Variants in IQSEC1 observed in about 807,000 individuals in gnomAD.
The protein encoded by IQSEC1 is IQ motif and Sec7 domain ArfGEF 1.
Under a neutral mutation model 91.0 loss-of-function variants are expected in IQSEC1, and 31 were observed. The observed-to-expected ratio is 0.34, with a 90% CI of 0.26 to 0.46. IQSEC1 has a LOEUF of 0.46. Ranked by LOEUF, IQSEC1 falls within the 20% of genes least tolerant of loss-of-function variation. The pLI, the probability that IQSEC1 is intolerant of heterozygous loss-of-function variation, is 1.00. For missense variants in IQSEC1, 1,388 were observed against 1,575.6 expected, an observed-to-expected ratio of 0.88 and a Z score of 2.02; for synonymous variants, 699 against 662.6, an observed-to-expected ratio of 1.05 and a Z score of -0.84.
intron 1 of IQSEC1, among the ~76,000 whole-genome samples, chr3:12,993,861 A>G (rs1702105238): frequency 6.6e-6 from 1 of 151,604 alleles, no homozygotes; most frequent in African/African-American, 2.4e-5. Context: ...CGGCCTCGCA[A>G]CCTCCTTCCG....
rs1382693816 is a variant in IQSEC1, at chr3:13,059,014, T to G, written c.23+13978A>C. ...TAGTGCCCTCACCAGGGCATGAGAG[T>G]GGGGATGGTGCCAGCCTCTGACACA... On this transcript the variant is annotated intron_variant, in intron 1 of 13. Coordinates refer to ENST00000613206, the MANE Select transcript of IQSEC1 (RefSeq NM_001134382.3). Among the ~76,000 whole-genome samples the G allele has an allele frequency of 7.9e-5, 12 of 151,794 alleles. 1 individual carries two copies. The highest frequency in any genetic ancestry group is 1.3e-4 in the Non-Finnish European group (9 of 67,904).
At chr3:12,954,481 C>T (rs1699772314) in intron 1 of IQSEC1, among the ~76,000 whole-genome samples, 2 of 152,068 alleles carry the variant, frequency 1.3e-5, no homozygotes, top group Admixed American at 6.5e-5. Context: ...ATGGGGGCTG[C>T]GTGGCAAACA....
chr3:12,934,349 C>T (rs1697972843), intron 3 of IQSEC1, among the ~76,000 whole-genome samples: 1 of 152,228 alleles, frequency 6.6e-6, no homozygotes, highest in Non-Finnish European at 1.5e-5. Flanking sequence ...GCCTCTCTGA[C>T]ATCCCAAGAT....
chr3:12,924,827 T>G lies in IQSEC1; in HGVS notation c.1569-85A>C. On this transcript the variant is annotated intron_variant, in intron 3 of 13. Coordinates refer to ENST00000613206, the MANE Select transcript of IQSEC1 (RefSeq NM_001134382.3). The surrounding 1 kb of genome is among the most constrained non-coding windows in gnomAD (Gnocchi z 6.3). The stretch of plus-strand genomic sequence containing the variant: ...GAGGGGATCTCCGCTCAGTGGACGG[T>G]CGACATTCTCCCTCCCTGCCCACCT... 1.5e-6 allele frequency: 2 copies of G among 1,305,872 alleles called. No individual in the cohort carries two copies. Among genetic ancestry groups the G allele is most frequent in the Non-Finnish European group, 2.1e-6 (2 of 957,314 alleles). The allele number at this position is 1,305,872 out of a possible 1,614,324, so 80.9% of individuals were successfully genotyped here.
chr3:12,955,058 G>T (rs756348260), intron 1 of IQSEC1, among the ~76,000 whole-genome samples: 8 of 152,196 alleles, frequency 5.3e-5, no homozygotes, highest in Non-Finnish European at 1.2e-4. Context: ...AGCCCAGCCT[G>T]GCAGAGCCCC....
intron 6 of IQSEC1, among the ~76,000 whole-genome samples, chr3:12,919,892 A>G (rs1376160557): frequency 6.6e-6 from 1 of 151,944 alleles, no homozygotes; most frequent in Non-Finnish European, 1.5e-5. Context: ...CTCCGCACCA[A>G]CACCTCCCAG....
chr3:13,177,139 A>G (rs1693746940), intron 1 of IQSEC1, among the ~76,000 whole-genome samples: 1 of 152,206 alleles, frequency 6.6e-6, no homozygotes, highest in Admixed American at 6.5e-5. Context: ...GGGGTGTACA[A>G]GTCTGCGGAT....
In IQSEC1 at chr3:12,987,917, A is replaced by G. The variant is rs370949579; in HGVS notation, c.24-46052T>C. Among the ~76,000 whole-genome samples, 98 of 152,306 alleles carry G rather than the reference A, an allele frequency of 6.4e-4. 4 individuals are homozygous for G. In the South Asian group the frequency reaches 0.02, roughly 31 times the overall value. ...ACCCACCAGGTGAGTGAAAACGACAAAGACCGACAATGCCCAGTGTGGGGT... is the reference window on the plus strand; with the variant it reads ...ACCCACCAGGTGAGTGAAAACGACAGAGACCGACAATGCCCAGTGTGGGGT... On this transcript the variant is annotated intron_variant, in intron 1 of 13. Transcript: ENST00000613206.
rs1025514186 is a variant in IQSEC1 at position 13,103,622 on chromosome 3, C to T, written c.303-56100G>A. ...GTGTGCCATTGGGGTGGGCAATTTG[C>T]AGGATGAGCTTCACATGCAGCACGC... On this transcript the variant is annotated intron_variant, in intron 2 of 15. Coordinates refer to the IQSEC1 transcript ENST00000648114. The surrounding 1 kb of genome is among the most constrained non-coding windows in gnomAD (Gnocchi z 4.1). Among the ~76,000 whole-genome samples the T allele has an allele frequency of 6.6e-6, 1 of 152,084 alleles. No individual in the cohort carries two copies. The highest frequency in any genetic ancestry group is 2.4e-5 in the African/African-American group (1 of 41,418).
At chr3:13,174,171 C>A in intron 1 of IQSEC1, among the ~76,000 whole-genome samples, 1 of 152,184 alleles carries the variant, frequency 6.6e-6, no homozygotes, top group East Asian at 1.9e-4. Context: ...GAATCTTGTG[C>A]ACACAGAAGT....
At chr3:13,113,317 G>A (rs1226254522) in intron 2 of IQSEC1, among the ~76,000 whole-genome samples, 1 of 152,202 alleles carries the variant, frequency 6.6e-6, no homozygotes, top group African/African-American at 2.4e-5. Flanking sequence ...AGAGGCAGCA[G>A]GTAAACACAT....
chr3:13,020,999 G>C (rs147856904), intron 1 of IQSEC1, among the ~76,000 whole-genome samples: 46 of 152,362 alleles, frequency 3.0e-4, no homozygotes, highest in African/African-American at 1.1e-3. Flanking sequence ...ACACCAGAGA[G>C]TGAGGGCAGA....
At chr3:13,210,353 G>A (rs564765534) in intron 1 of IQSEC1, among the ~76,000 whole-genome samples, 1 of 152,068 alleles carries the variant, frequency 6.6e-6, no homozygotes, top group Non-Finnish European at 1.5e-5. Flanking sequence ...ATCTAGCCCC[G>A]CACACTCATT....
intron 1 of IQSEC1, among the ~76,000 whole-genome samples, chr3:13,020,314 CTCCTTTCCCACAGCCAGCCGGCA>C (rs1703341752): frequency 6.6e-6 from 1 of 152,210 alleles, no homozygotes; most frequent in South Asian, 2.1e-4. Context: ...CTCTGCCTCT[CTCCTTTCCCACAGCCAGCCGGCA>C]TCCTCATCCC....
intron 2 of IQSEC1, among the ~76,000 whole-genome samples, chr3:13,139,100 G>A (rs1395039403): frequency 2.0e-5 from 3 of 152,108 alleles, no homozygotes; most frequent in Non-Finnish European, 4.4e-5. Context: ...AGCACCCTCA[G>A]CTGATTCCAT....
rs557344463 is a variant in IQSEC1, at chr3:12,966,031, A to C, written c.24-24166T>G. On this transcript the variant is annotated intron_variant, in intron 1 of 13. Coordinates refer to ENST00000613206, the MANE Select transcript of IQSEC1 (RefSeq NM_001134382.3). Reference sequence around the variant, plus strand: ...CGATTTGCTCTCCTGCAATATGAGGATGCTGGTACCACAAGGGTAAGAAGC... The same window carrying C: ...CGATTTGCTCTCCTGCAATATGAGGCTGCTGGTACCACAAGGGTAAGAAGC... 5.9e-5 allele frequency among the ~76,000 whole-genome samples: 9 copies of C among 152,334 alleles called. No individual in the cohort carries two copies. The South Asian group carries it at 1.7e-3, about 28-fold the overall frequency.
intron 1 of IQSEC1, among the ~76,000 whole-genome samples, chr3:13,012,963 G>GTTTTTTTTTTTTT: frequency 2.4e-5 from 1 of 40,952 alleles, no homozygotes; most frequent in Non-Finnish European, 4.9e-5. Flanking sequence ...GAAAGTCTGG[G>GTTTTTTTTTTTTT]CTTTTTTTTT....
intron 1 of IQSEC1, among the ~76,000 whole-genome samples, chr3:13,064,773 G>A (rs756620812): frequency 6.6e-6 from 1 of 152,228 alleles, no homozygotes; most frequent in Non-Finnish European, 1.5e-5. Context: ...ATAGTTGCTC[G>A]CAGATTTTCA....
At chr3:12,993,986 C>A (rs1477543916) in intron 1 of IQSEC1, among the ~76,000 whole-genome samples, 2 of 151,338 alleles carry the variant, frequency 1.3e-5, no homozygotes, top group African/African-American at 4.8e-5. Context: ...GGCCGCCCCG[C>A]GGAGGGCATT....
Sources: allele counts gnomAD v4.1 joint callset (sites outside exome capture counted in the v4.1 genomes callset), GRCh38; gene constraint gnomAD v4.1.1; non-coding constraint Gnocchi (gnomAD v3.1); transcripts MANE v1.5; gene names NCBI Gene and HGNC (gene_info 2026-07-23, HGNC 2026-07-21).